GBP4: variants seen among roughly 807,000 people sequenced by gnomAD.
GBP4 encodes guanylate-binding protein 4.
GBP4 carries 69 observed loss-of-function variants against 62.2 expected under a neutral mutation model. The observed-to-expected ratio is 1.11, with a 90% CI of 0.91 to 1.36. The LOEUF (loss-of-function observed/expected upper bound fraction) is 1.36. Ranked by LOEUF, GBP4 falls within the 40% of genes most tolerant of loss-of-function variation. The probability of loss-of-function intolerance (pLI) is 0.00; values close to 1 mark genes in which losing one functional copy is unlikely to be tolerated. For missense variants in GBP4, 697 were observed against 759.3 expected, an observed-to-expected ratio of 0.92 and a Z score of 0.96; for synonymous variants, 278 against 274.6, an observed-to-expected ratio of 1.01 and a Z score of -0.12.
At position 89,183,936 on chromosome 1, in the gene GBP4, A is replaced by T. The variant is rs1459462791; in HGVS notation, c.*1318T>A. The T allele has an allele frequency of 6.6e-6, 1 of 152,224 alleles. No individual in the cohort carries two copies. Among genetic ancestry groups the T allele is most frequent in the African/African-American group, 2.4e-5 (1 of 41,466 alleles). The allele number at this position is 152,224 out of a possible 1,614,324, so 9.4% of individuals were successfully genotyped here. A position where few individuals can be genotyped will look rare whatever the true frequency, so the allele number is the denominator to read the frequency against. On this transcript the variant is annotated 3_prime_UTR_variant, in exon 11 of 11. Transcript: ENST00000355754. ...TAACAAAGTAACAGACAACCTACAGAATGGTAGAAAATATTTGCCAACTAT... is the reference window on the plus strand; with the variant it reads ...TAACAAAGTAACAGACAACCTACAGTATGGTAGAAAATATTTGCCAACTAT...
chr1:89,191,905 C>T (rs561310594), intron 5 of GBP4, among the ~76,000 whole-genome samples: 4 of 152,084 alleles, frequency 2.6e-5, no homozygotes, highest in South Asian at 2.1e-4. Context: ...ATTAAAGCAA[C>T]GCTAGAAATA....
rs771606883 is a variant in GBP4, at chr1:89,183,218, A to T, written c.*2036T>A. On this transcript the variant is annotated 3_prime_UTR_variant, in exon 11 of 11. Coordinates refer to ENST00000355754, the MANE Select transcript of GBP4 (RefSeq NM_052941.5). ...AAAAACAGACACACAGATAAATGGA[A>T]CATAACAGAGAGTCCAGAAATAATG... is the stretch of plus-strand genomic sequence containing the variant. 4.6e-5 allele frequency: 7 copies of T among 152,192 alleles called. No individual in the cohort carries two copies. The highest frequency in any genetic ancestry group is 1.0e-4 in the Non-Finnish European group (7 of 68,038). 9.4% of individuals were successfully genotyped at this position (152,192 alleles called of 1,614,324 possible).
At chr1:89,190,365 T>G in intron 6 of GBP4, 47 bp from the exon 7 acceptor site, 1 of 1,481,918 alleles carries the variant, frequency 6.7e-7, no homozygotes, top group Non-Finnish European at 9.1e-7. Context: ...TACTCATTAT[T>G]TATACAAGTT....
intron 6 of GBP4, 58 bp from the exon 7 acceptor site, chr1:89,190,376 T>A (rs1648149346): frequency 9.0e-6 from 13 of 1,440,426 alleles, no homozygotes; most frequent in African/African-American, 2.8e-5. Flanking sequence ...TATACAAGTT[T>A]TAAGAGTCAG....
At chr1:89,190,417 C>T (rs934422941) in intron 6 of GBP4, 99 bp from the exon 7 acceptor site, 18 of 1,026,776 alleles carry the variant, frequency 1.8e-5, no homozygotes, top group South Asian at 5.9e-5. Context: ...TTCTAATTAT[C>T]TTGAAGTTTC....
chr1:89,198,870 G>C lies in GBP4; in HGVS notation c.-36C>G. 1 of 1,605,286 alleles carries C rather than the reference G, an allele frequency of 6.2e-7. No homozygotes were observed. The highest frequency in any genetic ancestry group is 8.5e-7 in the Non-Finnish European group (1 of 1,171,910). ...TCCTGCGCCTGGATCCTCGAGAAAC[G>C]GACTGTTCTTAGAAGCTGAAAGTCC... On this transcript the variant is annotated 5_prime_UTR_variant, in exon 1 of 11. Coordinates refer to ENST00000355754, the MANE Select transcript of GBP4 (RefSeq NM_052941.5).
chr1:89,187,124 A>G (rs1204285999), intron 8 of GBP4, 22 bp from the exon 9 acceptor site: 1 of 1,600,594 alleles, frequency 6.2e-7, no homozygotes, highest in East Asian at 2.2e-5. Flanking sequence ...AGAAAGAGCA[A>G]AGACCTGTCA....
At chr1:89,198,045 A>G (rs559478797) in intron 1 of GBP4, among the ~76,000 whole-genome samples, 6 of 152,270 alleles carry the variant, frequency 3.9e-5, no homozygotes, top group Non-Finnish European at 8.8e-5. Flanking sequence ...TAGTTAAAAC[A>G]ATCCTACAGA....
At chr1:89,186,299 C>T (rs777254832) in intron 10 of GBP4, 34 bp downstream of exon 10, 110 of 1,572,428 alleles carry the variant, frequency 7.0e-5, no homozygotes, top group Non-Finnish European at 8.8e-5. Flanking sequence ...AGGGCATTGT[C>T]CCTCAGGCAC....
At chr1:89,186,963 TC>T (rs779830769) in intron 9 of GBP4, 36 bp downstream of exon 9, 359 of 1,584,378 alleles carry the variant, frequency 2.3e-4, no homozygotes, top group Non-Finnish European at 3.1e-4. Context: ...TGCAGGAAAC[TC>T]CCAATCCCTC....
chr1:89,198,708 C>T (rs1648414068), intron 1 of GBP4, 87 bp downstream of exon 1: 3 of 1,158,658 alleles, frequency 2.6e-6, no homozygotes, highest in East Asian at 2.3e-5. Context: ...CTCCAACCCT[C>T]CCCGTGTGCA....
chr1:89,197,373 C>T (rs1648376350), intron 1 of GBP4, 69 bp from the exon 2 acceptor site: 21 of 1,264,810 alleles, frequency 1.7e-5, no homozygotes, highest in Non-Finnish European at 2.2e-5. Flanking sequence ...CTACCTAAGG[C>T]ACATACATAT....
rs568373256 is a variant in GBP4, at chr1:89,192,838, A to G, written c.670+66T>C. On this transcript the variant is annotated intron_variant, in intron 5 of 10. Coordinates refer to ENST00000355754, the MANE Select transcript of GBP4 (RefSeq NM_052941.5). ...ATGTAAACATTTGTGTCAGGTGCTG[A>G]ATAGCAGGTCTTAGTTGATCCTACC... The G allele has an allele frequency of 1.5e-4, 214 of 1,458,822 alleles. No homozygotes were observed. The African/African-American group carries it at 2.7e-3, about 18-fold the overall frequency. The allele number at this position is 1,458,822 out of a possible 1,614,324, so 90.4% of individuals were successfully genotyped here. A position where few individuals can be genotyped will look rare whatever the true frequency, so the allele number is the denominator to read the frequency against.
Position 89,185,325 on chromosome 1 carries a change from T to C in GBP4, c.1852A>G (p.Met618Val), listed in dbSNP as rs1208654063. Residue 618 changes from methionine (M) to valine (V), a missense_variant, in exon 11 of 11, where the codon ATG becomes GTG. Transcript: ENST00000355754. ...LKILDMASNI[M>V]IVTLPGASKL... is the part of the protein sequence containing the mutation. ...GAAGCCCCAGGTAGAGTGACAATCA[T>C]TATGTTGCTAGCCATGTCAAGGATC... 1 of 1,613,572 alleles carries C rather than the reference T, an allele frequency of 6.2e-7. No homozygotes were observed. Among genetic ancestry groups the C allele is most frequent in the South Asian group, 1.1e-5 (1 of 91,064 alleles).
chr1:89,184,760 A>G lies in GBP4; in HGVS notation c.*494T>C, dbSNP rs1440973565. ...AAACCTATTGGGTATTATGATTAAT[A>G]ATTGTGTGATAAAATTATCTGCACA... On this transcript the variant is annotated 3_prime_UTR_variant, in exon 11 of 11. Transcript: ENST00000355754. The G allele has an allele frequency of 1.3e-5, 2 of 152,746 alleles. No individual in the cohort carries two copies. Among genetic ancestry groups the G allele is most frequent in the Non-Finnish European group, 2.9e-5 (2 of 68,474 alleles). The allele number at this position is 152,746 out of a possible 1,614,324, so 9.5% of individuals were successfully genotyped here. A position where few individuals can be genotyped will look rare whatever the true frequency, so the allele number is the denominator to read the frequency against.
At chr1:89,190,957 T>G (rs1349742287) in intron 6 of GBP4, among the ~76,000 whole-genome samples, 1 of 152,130 alleles carries the variant, frequency 6.6e-6, no homozygotes, top group Non-Finnish European at 1.5e-5. Context: ...ATAAAATATA[T>G]TATATATCTT....
chr1:89,195,569 C>T lies in GBP4; in HGVS notation c.236-145G>A, dbSNP rs989448098. On this transcript the variant is annotated intron_variant, in intron 2 of 10. Transcript: ENST00000355754. ...ATCTCAGGCAGGACAACTAATCTGA[C>T]CTTTATATGTATTAAGAATTTTCTC... is the stretch of plus-strand genomic sequence containing the variant. 2.7e-4 allele frequency: 239 copies of T among 884,980 alleles called. 1 individual carries two copies. Among genetic ancestry groups the T allele is most frequent in the Admixed American group, 6.4e-4 (22 of 34,422 alleles). The allele number at this position is 884,980 out of a possible 1,614,324, so 54.8% of individuals were successfully genotyped here. A position where few individuals can be genotyped will look rare whatever the true frequency, so the allele number is the denominator to read the frequency against.
intron 6 of GBP4, among the ~76,000 whole-genome samples, chr1:89,190,660 T>C (rs1648158188): frequency 6.6e-6 from 1 of 151,968 alleles, no homozygotes; most frequent in Non-Finnish European, 1.5e-5. Context: ...GTTATATAAT[T>C]TGTGAGTCCT....
Position 89,190,156 on chromosome 1 carries a change from G to A in GBP4, c.1079C>T (p.Pro360Leu), listed in dbSNP as rs369474687. Reference sequence around the variant, plus strand: ...CAGCAGCTCCTGGAGCGTGTCTGTGGGGAGCCTCAGTTGCTGGGCCATCTG... The same window carrying A: ...CAGCAGCTCCTGGAGCGTGTCTGTGAGGAGCCTCAGTTGCTGGGCCATCTG... ...SQQMAQQLRL[P>L]TDTLQELLDV... The change falls in exon 7 of 11, where the codon CCC (proline) becomes CTC (leucine). Residue 360 changes from proline to leucine, a missense_variant. Pro to Leu is a moderately conservative substitution (Grantham distance 98). This residue lies in a region of GBP4 where 556 missense variants were observed against 562.7 expected (regional missense o/e 0.99). Transcript: ENST00000355754. The A allele has an allele frequency of 2.4e-4, 386 of 1,614,150 alleles. 3 individuals carry two copies. In the South Asian group the frequency reaches 2.7e-3, roughly 11 times the overall value.
Sources: gnomAD v4.1 joint callset for allele counts (sites outside exome capture counted in the v4.1 genomes callset) on GRCh38, gnomAD v4.1.1 for gene constraint, gnomAD v4.1.1 regional missense constraint, MANE v1.5 for transcripts, NCBI Gene and HGNC (gene_info 2026-07-23, HGNC 2026-07-21) for gene names.